The following SORT1 variants were observed in gnomAD, a reference collection of about 807,000 sequenced individuals.
The protein encoded by SORT1 is sortilin.
A neutral mutation model predicts 101.7 loss-of-function variants in SORT1; 39 were observed. The observed-to-expected ratio is 0.38, with a 90% CI of 0.30 to 0.50. The LOEUF is 0.50. SORT1 is among the 20% of genes least tolerant of loss of function. The pLI, the probability that SORT1 is intolerant of heterozygous loss-of-function variation, is 0.90. For missense variants in SORT1, 878 were observed against 1,040.4 expected, an observed-to-expected ratio of 0.84 and a Z score of 2.15; for synonymous variants, 396 against 393.7, an observed-to-expected ratio of 1.01 and a Z score of -0.07.
At chr1:109,338,109 G>A (rs1648957979) in intron 10 of SORT1, among the ~76,000 whole-genome samples, 1 of 152,210 alleles carries the variant, frequency 6.6e-6, no homozygotes, top group African/African-American at 2.4e-5. Context: ...TAGTGTGTGT[G>A]TGAGGAGGCG....
chr1:109,392,179 A>G (rs1273644741), intron 1 of SORT1, among the ~76,000 whole-genome samples: 1 of 152,198 alleles, frequency 6.6e-6, no homozygotes, highest in Non-Finnish European at 1.5e-5. Flanking sequence ...AAGGAGGGAG[A>G]AGAACAAACG....
chr1:109,315,257 T>A (rs1021018642), intron 17 of SORT1, among the ~76,000 whole-genome samples: 11 of 152,162 alleles, frequency 7.2e-5, no homozygotes, highest in African/African-American at 2.7e-4. Flanking sequence ...TATATATTAT[T>A]ATAAATAAGC....
At chr1:109,376,792 C>CT (rs1389511121) in intron 1 of SORT1, among the ~76,000 whole-genome samples, 4 of 152,192 alleles carry the variant, frequency 2.6e-5, no homozygotes, top group Non-Finnish European at 5.9e-5. Context: ...ACTATGTTCA[C>CT]TACCTGAGTG....
intron 5 of SORT1, among the ~76,000 whole-genome samples, chr1:109,351,919 T>C (rs1386690511): frequency 6.6e-6 from 1 of 151,336 alleles, no homozygotes; most frequent in African/African-American, 2.4e-5. Flanking sequence ...GAAGCTAGCA[T>C]AGTAGAACGG....
chr1:109,362,973 C>T lies in SORT1; in HGVS notation c.440+4435G>A, dbSNP rs1650826021. On this transcript the variant is annotated intron_variant, in intron 3 of 19. Coordinates refer to ENST00000256637, the MANE Select transcript of SORT1 (RefSeq NM_002959.7). ...AGAAGCTGGTTTACTGCACTAGCAGCACTTTGCATTGTATACCTTTAAGTT... is the reference window on the plus strand; with the variant it reads ...AGAAGCTGGTTTACTGCACTAGCAGTACTTTGCATTGTATACCTTTAAGTT... Among the ~76,000 whole-genome samples the T allele has an allele frequency of 2.6e-5, 4 of 152,252 alleles. No individual in the cohort carries two copies. The South Asian group carries it at 8.3e-4, about 32-fold the overall frequency.
chr1:109,396,196 G>T (rs1021984843), intron 1 of SORT1, among the ~76,000 whole-genome samples: 1 of 152,136 alleles, frequency 6.6e-6, no homozygotes, highest in African/African-American at 2.4e-5. Context: ...AAGAGAAAAA[G>T]AAAAACAGGA....
chr1:109,360,044 A>G (rs934514120), intron 3 of SORT1, among the ~76,000 whole-genome samples: 19 of 152,212 alleles, frequency 1.2e-4, no homozygotes, highest in Admixed American at 9.8e-4. Flanking sequence ...GTGACTCCAA[A>G]TAAGTCTAAA....
intron 13 of SORT1, among the ~76,000 whole-genome samples, chr1:109,325,631 T>C (rs1647956510): frequency 6.6e-6 from 1 of 152,170 alleles, no homozygotes; most frequent in Admixed American, 6.5e-5. Context: ...ACAGAAATTA[T>C]TTCAAAGGAA....
intron 1 of SORT1, among the ~76,000 whole-genome samples, chr1:109,381,593 G>A (rs1212554654): frequency 1.3e-5 from 2 of 152,182 alleles, no homozygotes; most frequent in African/African-American, 4.8e-5. Context: ...TCAGGGGCCG[G>A]GCACAGTGGC....
rs548357428 is a variant in SORT1 at position 109,391,986 on chromosome 1, AG to A, written c.306+5600del. Among the ~76,000 whole-genome samples, 8 of 152,384 alleles carry A rather than the reference AG, an allele frequency of 5.2e-5. No individual in the cohort carries two copies. The South Asian group carries it at 1.7e-3, about 32-fold the overall frequency. ...GCAGTATCTAGTTCATAATATTGTC[AG>A]AGCCATTGCCACAGTTTTGTTGTTT... On this transcript the variant is annotated intron_variant, in intron 1 of 19. Transcript: ENST00000256637.
At chr1:109,379,138 G>C (rs138340938) in intron 1 of SORT1, among the ~76,000 whole-genome samples, 3 of 146,742 alleles carry the variant, frequency 2.0e-5, no homozygotes, top group African/African-American at 7.3e-5. Context: ...GTGAAACGCC[G>C]TCTCAAAAAG....
At chr1:109,339,756 G>A (rs1464645190) in intron 10 of SORT1, among the ~76,000 whole-genome samples, 1 of 152,178 alleles carries the variant, frequency 6.6e-6, no homozygotes, top group East Asian at 1.9e-4. Flanking sequence ...GGAACTGAAA[G>A]CATTGACTTA....
intron 1 of SORT1, among the ~76,000 whole-genome samples, chr1:109,382,020 T>C (rs2101647930): frequency 6.7e-6 from 1 of 149,978 alleles, no homozygotes; most frequent in Admixed American, 6.6e-5. Flanking sequence ...TTGGCAGAAA[T>C]CATTTTAAAA....
At chr1:109,324,623 A>G (rs1367783258) in intron 14 of SORT1, among the ~76,000 whole-genome samples, 1 of 152,202 alleles carries the variant, frequency 6.6e-6, no homozygotes, top group African/African-American at 2.4e-5. Flanking sequence ...TATTTTATTA[A>G]TATCACCTTT....
intron 9 of SORT1, among the ~76,000 whole-genome samples, chr1:109,341,456 C>T (rs541009763): frequency 6.6e-6 from 1 of 152,118 alleles, no homozygotes; most frequent in Admixed American, 6.5e-5. Flanking sequence ...ATGCCATTCT[C>T]CTGCCTCAGC....
At chr1:109,364,031 A>G (rs760798458) in intron 3 of SORT1, among the ~76,000 whole-genome samples, 2 of 152,204 alleles carry the variant, frequency 1.3e-5, no homozygotes, top group Non-Finnish European at 2.9e-5. Flanking sequence ...TTTCCACTTC[A>G]TGGCAGGGAA....
chr1:109,322,528 A>G (rs1458644846), intron 15 of SORT1, among the ~76,000 whole-genome samples: 1 of 151,972 alleles, frequency 6.6e-6, no homozygotes, highest in African/African-American at 2.4e-5. Flanking sequence ...CTTGGGGGAA[A>G]GGGTTTCAGT....
At chr1:109,324,571 T>C (rs1384159175) in intron 14 of SORT1, among the ~76,000 whole-genome samples, 2 of 152,240 alleles carry the variant, frequency 1.3e-5, no homozygotes, top group Non-Finnish European at 2.9e-5. Context: ...GCCGTTAATA[T>C]TGCTTAATGT....
chr1:109,317,154 T>A (rs570898329), intron 16 of SORT1, among the ~76,000 whole-genome samples, 196 bp from the exon 17 acceptor site: 1 of 152,238 alleles, frequency 6.6e-6, no homozygotes, highest in East Asian at 1.9e-4. Context: ...AAACTAAGCA[T>A]CTCTGTCCCC....
Sources: gnomAD v4.1 joint callset for allele counts (sites outside exome capture counted in the v4.1 genomes callset) on GRCh38, gnomAD v4.1.1 for gene constraint, MANE v1.5 for transcripts, NCBI Gene and HGNC (gene_info 2026-07-23, HGNC 2026-07-21) for gene names.